REV3L: variants seen among roughly 807,000 people sequenced by gnomAD.
The protein encoded by REV3L is REV3 like, DNA directed polymerase zeta catalytic subunit.
Under a neutral mutation model 299.4 loss-of-function variants are expected in REV3L, and 69 were observed. That is an observed-to-expected ratio of 0.23 (90% CI 0.19 to 0.28). The LOEUF is 0.28. REV3L is among the 10% of genes least tolerant of loss of function. The pLI, the probability that REV3L is intolerant of heterozygous loss-of-function variation, is 1.00. For synonymous variants in REV3L, 1,238 were observed against 1,271.4 expected (o/e 0.97, Z 0.56); for missense variants, 3,128 against 3,693.8 (o/e 0.85, Z 3.97).
At position 111,333,066 on chromosome 6, in the gene REV3L, T is replaced by C; in HGVS notation, c.7925+57A>G. 3 of 1,586,644 alleles carry C rather than the reference T, an allele frequency of 1.9e-6. No homozygotes were observed. The South Asian group carries it at 3.4e-5, about 18-fold the overall frequency. ...AAAGAGACACTCAGAAAGTGTCTAA[T>C]TTTAGTAAGAAGTACAAAGCACAAC... On this transcript the variant is annotated intron_variant, in intron 23 of 31. Transcript: ENST00000368802.
intron 1 of REV3L, among the ~76,000 whole-genome samples, chr6:111,426,226 T>A (rs766889464): frequency 4.5e-4 from 69 of 152,222 alleles, no homozygotes; most frequent in Non-Finnish European, 1.2e-4. Flanking sequence ...ACACCCACAG[T>A]TGATGTCAGA....
At chr6:111,305,375 G>T (rs1166443855) in intron 31 of REV3L, among the ~76,000 whole-genome samples, 1 of 152,060 alleles carries the variant, frequency 6.6e-6, no homozygotes, top group Non-Finnish European at 1.5e-5. Flanking sequence ...AGGATTGCTT[G>T]AGTCCAACAG....
upstream of REV3L, chr6:111,483,481 C>A (rs1240999252): frequency 2.0e-6 from 1 of 494,438 alleles, no homozygotes; most frequent in Non-Finnish European, 3.8e-6. Context: ...GCGGAAGGGG[C>A]GGCGGAGCAC....
At position 111,363,913 on chromosome 6, in the gene REV3L, G is replaced by A. The variant is rs1778947871; in HGVS notation, c.6819C>T (p.Asn2273=). Residue 2273 remains asparagine, a synonymous_variant, in exon 16 of 32, where the codon AAC becomes AAT. Transcript: ENST00000368802. ...ETSQIDGPSL[N]NTYGFKVSIQ... Reference sequence around the variant, plus strand: ...TGCTGACTTTGAAACCGTAAGTATTGTTTAAAGATGGTCCATCAATCTGAG... The same window carrying A: ...TGCTGACTTTGAAACCGTAAGTATTATTTAAAGATGGTCCATCAATCTGAG... 1 of 1,613,086 alleles carries A rather than the reference G, an allele frequency of 6.2e-7. No individual in the cohort carries two copies. Among genetic ancestry groups the A allele is most frequent in the Non-Finnish European group, 8.5e-7 (1 of 1,179,648 alleles).
intron 26 of REV3L, among the ~76,000 whole-genome samples, chr6:111,316,823 A>C (rs1476488975): frequency 6.6e-6 from 1 of 152,250 alleles, no homozygotes; most frequent in African/African-American, 2.4e-5. Flanking sequence ...GTATATCTGT[A>C]AATCTTTTCA....
chr6:111,446,701 AAAACAAACAAACAAAC>A (rs35603807), intron 1 of REV3L, among the ~76,000 whole-genome samples: 2 of 149,796 alleles, frequency 1.3e-5, no homozygotes, highest in African/African-American at 2.5e-5. Context: ...ACTCTGTCTC[AAAACAAACAAACAAAC>A]AAACAAACAA....
intron 1 of REV3L, chr6:111,430,201 C>T (rs569100683): frequency 1.7e-4 from 142 of 814,356 alleles, no homozygotes; most frequent in Non-Finnish European, 2.2e-4. Context: ...AGCACTTTAG[C>T]CAAACAAGAA....
chr6:111,477,190 A>G (rs916481002), intron 1 of REV3L, among the ~76,000 whole-genome samples: 1 of 152,210 alleles, frequency 6.6e-6, no homozygotes, highest in African/African-American at 2.4e-5. Flanking sequence ...CAATTGTTGA[A>G]CACTTAGAGT....
Position 111,405,557 on chromosome 6 carries a change from G to T in REV3L, c.478C>A (p.Leu160Ile). 1 of 1,604,014 alleles carries T rather than the reference G, an allele frequency of 6.2e-7. No individual in the cohort carries two copies. ...TTGTAGTCAATGAAGAGCTGTAGGA[G>T]GTAGGGAATATGCGCTTCATGAGGC... ...YQPHEAHIPY[L>I]LQLFIDYNLY... Residue 160 changes from leucine (L) to isoleucine (I), a missense_variant, in exon 4 of 32, where the codon CTC becomes ATC. Leu to Ile is a conservative substitution (Grantham distance 5). Transcript: ENST00000368802.
chr6:111,367,067 T>C lies in REV3L; in HGVS notation c.6673+48A>G, dbSNP rs761211758. On this transcript the variant is annotated intron_variant, in intron 14 of 31. Transcript: ENST00000368802. ...TACAGTCTAATGTTATCTTCATTTC[T>C]ATTTCTGAAGAACAATTATGGAGAC... The C allele has an allele frequency of 2.1e-6, 3 of 1,403,078 alleles. No homozygotes were observed. In the African/African-American group the frequency reaches 4.3e-5, roughly 20 times the overall value. 86.9% of individuals were successfully genotyped at this position (1,403,078 alleles called of 1,614,324 possible).
rs184451292 is a variant in REV3L, at chr6:111,362,083, A to T, written c.6879+1770T>A. On this transcript the variant is annotated intron_variant, in intron 16 of 31. Coordinates refer to ENST00000368802, the MANE Select transcript of REV3L (RefSeq NM_001372078.1). The stretch of plus-strand genomic sequence containing the variant: ...CAAATTTGCTTTAATACATATTTTT[A>T]AAAAAGTTTTTAAAAATTTGCTAAT... Among the ~76,000 whole-genome samples the T allele has an allele frequency of 2.6e-3, 392 of 152,308 alleles. 3 individuals carry two copies. Among genetic ancestry groups the T allele is most frequent in the Middle Eastern group, 0.01 (3 of 294 alleles).
At position 111,405,552 on chromosome 6, in the gene REV3L, T is replaced by C. The variant is rs1783530662; in HGVS notation, c.483A>G (p.Leu161=). The C allele has an allele frequency of 6.2e-7, 1 of 1,606,026 alleles. No homozygotes were observed. The highest frequency in any genetic ancestry group is 1.7e-5 in the Admixed American group (1 of 59,232). ...QPHEAHIPYL[L]QLFIDYNLYG... ...AAAGATTGTAGTCAATGAAGAGCTG[T>C]AGGAGGTAGGGAATATGCGCTTCAT... The change falls in exon 4 of 32, where the codon CTA becomes CTG. Residue 161 remains leucine, a synonymous_variant. Coordinates refer to ENST00000368802, the MANE Select transcript of REV3L (RefSeq NM_001372078.1).
chr6:111,322,145 A>G (rs1344371941), intron 26 of REV3L, among the ~76,000 whole-genome samples: 1 of 152,200 alleles, frequency 6.6e-6, no homozygotes, highest in Non-Finnish European at 1.5e-5. Context: ...TCTGGGGCCG[A>G]GTGGTAAGTT....
chr6:111,371,158 T>C (rs1451008115), intron 13 of REV3L, among the ~76,000 whole-genome samples: 1 of 152,138 alleles, frequency 6.6e-6, no homozygotes, highest in African/African-American at 2.4e-5. Flanking sequence ...GCTCTGCAAC[T>C]GGTTAAGTAT....
intron 18 of REV3L, among the ~76,000 whole-genome samples, chr6:111,356,450 C>G (rs1778094617): frequency 6.6e-6 from 1 of 151,972 alleles, no homozygotes; most frequent in African/African-American, 2.4e-5. Context: ...GGACCGACTA[C>G]CAAATGGTCA....
chr6:111,457,607 T>C (rs902232898), intron 1 of REV3L, among the ~76,000 whole-genome samples: 2 of 151,646 alleles, frequency 1.3e-5, no homozygotes, highest in African/African-American at 4.8e-5. Flanking sequence ...ACAATAACCA[T>C]TATCATCAAG....
At chr6:111,357,720 T>C (rs1778241884) in intron 17 of REV3L, among the ~76,000 whole-genome samples, 1 of 152,032 alleles carries the variant, frequency 6.6e-6, no homozygotes, top group Admixed American at 6.6e-5. Flanking sequence ...AACATATCTC[T>C]TGTGAAGAAA....
At chr6:111,437,726 G>T (rs1291357821) in intron 1 of REV3L, among the ~76,000 whole-genome samples, 2 of 152,074 alleles carry the variant, frequency 1.3e-5, no homozygotes, top group Admixed American at 6.5e-5. Flanking sequence ...ATTTGAGACG[G>T]TGTTTCTTTT....
intron 1 of REV3L, among the ~76,000 whole-genome samples, chr6:111,438,191 T>C (rs532985015): frequency 5.1e-4 from 77 of 152,186 alleles, no homozygotes; most frequent in African/African-American, 1.7e-3. Context: ...ATACAATCTT[T>C]TAAACTTATC....
Sources: allele counts gnomAD v4.1 joint callset (sites outside exome capture counted in the v4.1 genomes callset), GRCh38; gene constraint gnomAD v4.1.1; transcripts MANE v1.5; gene names NCBI Gene and HGNC (gene_info 2026-07-23, HGNC 2026-07-21).